HECW1: variants seen among roughly 807,000 people sequenced by gnomAD.
The protein encoded by HECW1 is E3 ubiquitin-protein ligase HECW1.
Under a neutral mutation model 182.3 loss-of-function variants are expected in HECW1, and 61 were observed. That is an observed-to-expected ratio of 0.33 (90% CI 0.27 to 0.41). The LOEUF (loss-of-function observed/expected upper bound fraction) is 0.41, where lower values mean the gene tolerates loss of function less well. Among genes scored for constraint, HECW1 ranks in the 10% least tolerant of loss-of-function variants. The pLI is 1.00. For synonymous variants in HECW1, 859 were observed against 832.6 expected (o/e 1.03, Z -0.55); for missense variants, 1,739 against 2,108.9 (o/e 0.82, Z 3.44).
intron 2 of HECW1, among the ~76,000 whole-genome samples, chr7:43,151,650 T>G (rs934194620): frequency 6.6e-6 from 1 of 152,136 alleles, no homozygotes; most frequent in Non-Finnish European, 1.5e-5. Context: ...AAATAAACAT[T>G]GCTAAAAATT....
At chr7:43,360,090 T>C (rs1815673044) in intron 5 of HECW1, among the ~76,000 whole-genome samples, 1 of 152,228 alleles carries the variant, frequency 6.6e-6, no homozygotes. Flanking sequence ...TATGAAGTCC[T>C]ATTTTAACAG....
intron 2 of HECW1, among the ~76,000 whole-genome samples, chr7:43,201,205 C>A (rs780727705): frequency 6.6e-6 from 1 of 152,196 alleles, no homozygotes. Flanking sequence ...CCAAGTCCCT[C>A]CTGCTCTCTG....
intron 6 of HECW1, among the ~76,000 whole-genome samples, chr7:43,377,260 C>T (rs745487166): frequency 6.6e-6 from 1 of 152,128 alleles, no homozygotes. Flanking sequence ...TGCTTTTTAC[C>T]CTTCTTGCTC....
intron 2 of HECW1, among the ~76,000 whole-genome samples, chr7:43,173,001 G>C (rs1456017172): frequency 1.3e-5 from 2 of 152,162 alleles, no homozygotes; most frequent in Non-Finnish European, 2.9e-5. Flanking sequence ...TCTCTCCAAA[G>C]CAGTGGTTTC....
intron 26 of HECW1, among the ~76,000 whole-genome samples, chr7:43,547,290 T>C (rs1239257826): frequency 6.6e-6 from 1 of 152,172 alleles, no homozygotes; most frequent in Admixed American, 6.5e-5. Flanking sequence ...GGCTCATGCC[T>C]GTAATCCCAG....
intron 3 of HECW1, among the ~76,000 whole-genome samples, chr7:43,307,069 G>A (rs1192494800): frequency 6.6e-6 from 1 of 151,822 alleles, no homozygotes; most frequent in East Asian, 1.9e-4. Flanking sequence ...GCTACAAATA[G>A]GAAAAAAAAC....
intron 6 of HECW1, among the ~76,000 whole-genome samples, chr7:43,369,594 A>G (rs1338720406): frequency 6.6e-6 from 1 of 152,218 alleles, no homozygotes; most frequent in Non-Finnish European, 1.5e-5. Flanking sequence ...TTTACTACCT[A>G]GGCATTTACT....
chr7:43,305,451 A>C (rs1299877456), intron 3 of HECW1, among the ~76,000 whole-genome samples: 2 of 152,186 alleles, frequency 1.3e-5, no homozygotes, highest in Non-Finnish European at 2.9e-5. Context: ...GAATGATAAA[A>C]GTGCCCTCTT....
At chr7:43,199,843 T>G (rs920743594) in intron 2 of HECW1, among the ~76,000 whole-genome samples, 2 of 152,210 alleles carry the variant, frequency 1.3e-5, no homozygotes, top group Admixed American at 1.3e-4. Flanking sequence ...AGTTTTGGCA[T>G]AAATTCTATA....
intron 16 of HECW1, among the ~76,000 whole-genome samples, chr7:43,475,911 G>A (rs1055729803): frequency 6.6e-6 from 1 of 152,092 alleles, no homozygotes; most frequent in Non-Finnish European, 1.5e-5. Context: ...ATATGTTTTC[G>A]TGACCTAATA....
intron 24 of HECW1, among the ~76,000 whole-genome samples, chr7:43,538,840 C>T (rs191300916): frequency 6.6e-6 from 1 of 152,272 alleles, no homozygotes; most frequent in Non-Finnish European, 1.5e-5. Flanking sequence ...ACCGCGGTGA[C>T]TAGAACTGAC....
intron 2 of HECW1, among the ~76,000 whole-genome samples, chr7:43,131,713 T>G (rs1246482694): frequency 6.6e-6 from 1 of 152,238 alleles, no homozygotes; most frequent in East Asian, 1.9e-4. Flanking sequence ...TGCTCAGCGC[T>G]ATGATTTAAA....
intron 2 of HECW1, among the ~76,000 whole-genome samples, chr7:43,152,995 C>A (rs112311915): frequency 1.3e-5 from 2 of 152,254 alleles, no homozygotes; most frequent in African/African-American, 4.8e-5. Context: ...TGAGAATAAA[C>A]TTTCTGTTGA....
chr7:43,432,115 A>G lies in HECW1; in HGVS notation c.802-5888A>G, dbSNP rs2076568252. On this transcript the variant is annotated intron_variant, in intron 8 of 29. Coordinates refer to ENST00000395891, the MANE Select transcript of HECW1 (RefSeq NM_015052.5). This position sits in a 1 kb window ranked among gnomAD's most constrained non-coding sequence, Gnocchi z 4.1. ...AGTGCTGGGATTACAGGCATGAGCC[A>G]CTGCACCCGGCCAGTTGTTTATTTT... 6.6e-6 allele frequency among the ~76,000 whole-genome samples: 1 copy of G among 151,214 alleles called. No individual in the cohort carries two copies. Among genetic ancestry groups the G allele is most frequent in the South Asian group, 2.1e-4 (1 of 4,790 alleles).
At chr7:43,355,727 C>G (rs1266776383) in intron 5 of HECW1, among the ~76,000 whole-genome samples, 1 of 152,134 alleles carries the variant, frequency 6.6e-6, no homozygotes. Context: ...CACAGTAGCT[C>G]ATGCCTGAAA....
chr7:43,208,953 T>C (rs1795740297), intron 2 of HECW1, among the ~76,000 whole-genome samples: 1 of 152,226 alleles, frequency 6.6e-6, no homozygotes, highest in African/African-American at 2.4e-5. Context: ...TTTAGCCAAG[T>C]CACCCTGGCT....
chr7:43,341,471 A>C (rs1310175154), intron 5 of HECW1, among the ~76,000 whole-genome samples: 1 of 151,756 alleles, frequency 6.6e-6, no homozygotes, highest in African/African-American at 2.4e-5. Context: ...ATATACAGTT[A>C]CTCATGTAAA....
chr7:43,421,731 C>G (rs1584852308), intron 8 of HECW1, among the ~76,000 whole-genome samples: 1 of 152,196 alleles, frequency 6.6e-6, no homozygotes, highest in Non-Finnish European at 1.5e-5. Context: ...TGTGATACCA[C>G]TGCACACTCA....
At chr7:43,136,016 TCAAACTGTGA>T in intron 2 of HECW1, among the ~76,000 whole-genome samples, 1 of 152,076 alleles carries the variant, frequency 6.6e-6, no homozygotes, top group Non-Finnish European at 1.5e-5. Flanking sequence ...TAGCTCCTTT[TCAAACTGTGA>T]TTTTCCCCAA....
Sources: allele counts gnomAD v4.1 joint callset (sites outside exome capture counted in the v4.1 genomes callset), GRCh38; gene constraint gnomAD v4.1.1; non-coding constraint Gnocchi (gnomAD v3.1); transcripts MANE v1.5; gene names NCBI Gene and HGNC (gene_info 2026-07-23, HGNC 2026-07-21).